ACTR3B: variants seen among roughly 807,000 people sequenced by gnomAD.
ACTR3B encodes actin related protein 3B, also known as actin-related protein 3B.
A neutral mutation model predicts 59.0 loss-of-function variants in ACTR3B; 8 were observed. The observed-to-expected ratio is 0.14, with a 90% CI of 0.08 to 0.24. The LOEUF (loss-of-function observed/expected upper bound fraction) is 0.24. Among genes scored for constraint, ACTR3B ranks in the 10% least tolerant of loss-of-function variants. The pLI, the probability that ACTR3B is intolerant of heterozygous loss-of-function variation, is 1.00. For synonymous variants in ACTR3B, 148 were observed against 197.9 expected (o/e 0.75, Z 2.12); for missense variants, 245 against 552.3 (o/e 0.44, Z 5.58).
In ACTR3B at chr7:152,849,300, A is replaced by G. The variant is rs546307028; in HGVS notation, c.952-2826A>G. Among the ~76,000 whole-genome samples, 7 of 152,208 alleles carry G rather than the reference A, an allele frequency of 4.6e-5. No homozygotes were observed. In the South Asian group the frequency reaches 1.5e-3, roughly 32 times the overall value. Reference sequence around the variant, plus strand: ...GCTCAGGGCTGTTCCCTGTGAGTAGAAGTGTGGGGCCGACACCAAGGAACG... The same window carrying G: ...GCTCAGGGCTGTTCCCTGTGAGTAGGAGTGTGGGGCCGACACCAAGGAACG... On this transcript the variant is annotated intron_variant, in intron 9 of 11. Coordinates refer to ENST00000256001, the MANE Select transcript of ACTR3B (RefSeq NM_020445.6).
At chr7:152,771,862 G>C (rs1236471836) in intron 1 of ACTR3B, among the ~76,000 whole-genome samples, 1 of 151,934 alleles carries the variant, frequency 6.6e-6, no homozygotes, top group Non-Finnish European at 1.5e-5. Flanking sequence ...GATCACCTGG[G>C]GTCAGACCAG....
At chr7:152,829,057 T>A (rs73728859) in intron 9 of ACTR3B, among the ~76,000 whole-genome samples, 20 of 144,776 alleles carry the variant, frequency 1.4e-4, no homozygotes, top group Middle Eastern at 7.1e-3. Flanking sequence ...TATATATATA[T>A]ACACACACAC....
At chr7:152,809,915 CTT>C (rs56227383) in intron 4 of ACTR3B, among the ~76,000 whole-genome samples, 1 of 150,914 alleles carries the variant, frequency 6.6e-6, no homozygotes, top group African/African-American at 2.4e-5. Context: ...TTGAATTAAA[CTT>C]TTTTTTTTGG....
chr7:152,767,482 T>G (rs2098113889), intron 1 of ACTR3B, among the ~76,000 whole-genome samples: 1 of 152,218 alleles, frequency 6.6e-6, no homozygotes, highest in Non-Finnish European at 1.5e-5. Context: ...CGATTGTTGT[T>G]CCTCCAAGTG....
rs1420163783 is a variant in ACTR3B at position 152,759,939 on chromosome 7, C to G, written c.44+13C>G. On this transcript the variant is annotated intron_variant, in intron 1 of 11. Transcript: ENST00000256001. ...ACTGTGGCACCGGGTAAGAGCAGCT[C>G]GGCGCCCACCCCCGCTCCTCCGCGG... The G allele has an allele frequency of 8.7e-6, 12 of 1,371,900 alleles. No individual in the cohort carries two copies. The South Asian group carries it at 1.3e-4, about 14-fold the overall frequency. The allele number at this position is 1,371,900 out of a possible 1,614,324, so 85.0% of individuals were successfully genotyped here.
At chr7:152,780,876 C>T (rs1280870145) in intron 1 of ACTR3B, among the ~76,000 whole-genome samples, 5 of 146,004 alleles carry the variant, frequency 3.4e-5, no homozygotes, top group Admixed American at 7.0e-5. Flanking sequence ...GACAGGATCT[C>T]GCTCTGTCAC....
intron 1 of ACTR3B, among the ~76,000 whole-genome samples, chr7:152,770,935 G>C (rs989661735): frequency 1.3e-5 from 2 of 149,214 alleles, no homozygotes; most frequent in Non-Finnish European, 3.0e-5. Context: ...ACTTTGGAAA[G>C]AGTACTTCAG....
intron 11 of ACTR3B, among the ~76,000 whole-genome samples, chr7:152,853,937 T>A (rs1309824262): frequency 1.3e-5 from 2 of 152,086 alleles, no homozygotes; most frequent in Admixed American, 1.3e-4. Context: ...TTGGCCAGGC[T>A]GGTCTCAAAC....
chr7:152,847,188 G>A (rs1426165820), intron 9 of ACTR3B, among the ~76,000 whole-genome samples: 1 of 151,570 alleles, frequency 6.6e-6, no homozygotes, highest in East Asian at 1.9e-4. Flanking sequence ...GCTGTAGTCT[G>A]TAGTGAGCCC....
Position 152,795,845 on chromosome 7 carries a change from TG to T in ACTR3B, c.101-4685del, listed in dbSNP as rs1354834027. Reference sequence around the variant, plus strand: ...TTCTGAAAGGCAACTTAGTAGCTCTTGTTTTTTTTTTTTTTGGAGGCGGTGT... The same window carrying T: ...TTCTGAAAGGCAACTTAGTAGCTCTTTTTTTTTTTTTTTTGGAGGCGGTGT... On this transcript the variant is annotated intron_variant, in intron 2 of 11. Coordinates refer to ENST00000256001, the MANE Select transcript of ACTR3B (RefSeq NM_020445.6). 1.0e-2 allele frequency among the ~76,000 whole-genome samples: 1,383 copies of T among 138,572 alleles called. 10 individuals are homozygous for T. The highest frequency in any genetic ancestry group is 0.015 in the Non-Finnish European group (975 of 67,086). 90.9% of individuals were successfully genotyped at this position (138,572 alleles called of 152,430 possible). A position where few individuals can be genotyped will look rare whatever the true frequency, so the allele number is the denominator to read the frequency against.
At position 152,808,341 on chromosome 7, in the gene ACTR3B, A is replaced by G. The variant is rs1468845926; in HGVS notation, c.337-6209A>G. 3.3e-5 allele frequency among the ~76,000 whole-genome samples: 5 copies of G among 150,990 alleles called. No homozygotes were observed. In the East Asian group the frequency reaches 5.8e-4, roughly 18 times the overall value. On this transcript the variant is annotated intron_variant, in intron 4 of 11. Coordinates refer to ENST00000256001, the MANE Select transcript of ACTR3B (RefSeq NM_020445.6). ...GCAGCAGGTTAGTTTTACTCAGTTA[A>G]TTTTTTGCCTTTCTCTTTTGGTTAT... is the stretch of plus-strand genomic sequence containing the variant.
In ACTR3B at chr7:152,759,882, C is replaced by T; in HGVS notation, c.-1C>T. The T allele has an allele frequency of 1.5e-6, 2 of 1,352,194 alleles. No individual in the cohort carries two copies. The highest frequency in any genetic ancestry group is 1.7e-5 in the South Asian group (1 of 57,956). The allele number at this position is 1,352,194 out of a possible 1,614,324, so 83.8% of individuals were successfully genotyped here. A position where few individuals can be genotyped will look rare whatever the true frequency, so the allele number is the denominator to read the frequency against. ...GGGGCCGAGCGCCGCGCGTCCCGAGCATGGCAGGCTCCCTGCCTCCCTGCG... is the reference window on the plus strand; with the variant it reads ...GGGGCCGAGCGCCGCGCGTCCCGAGTATGGCAGGCTCCCTGCCTCCCTGCG... On this transcript the variant is annotated 5_prime_UTR_variant, in exon 1 of 12. Transcript: ENST00000256001.
rs1160747394 is a variant in ACTR3B at position 152,759,810 on chromosome 7, A to G, written c.-73A>G. 4 of 1,124,670 alleles carry G rather than the reference A, an allele frequency of 3.6e-6. No homozygotes were observed. Among genetic ancestry groups the G allele is most frequent in the East Asian group, 7.8e-5 (2 of 25,632 alleles). The allele number at this position is 1,124,670 out of a possible 1,614,324, so 69.7% of individuals were successfully genotyped here. A position where few individuals can be genotyped will look rare whatever the true frequency, so the allele number is the denominator to read the frequency against. ...CGCGGGAGACGCTGCGCGCGGGGCTAGCGGGCGGCGGAGCGGACGGCGACG... is the reference window on the plus strand; with the variant it reads ...CGCGGGAGACGCTGCGCGCGGGGCTGGCGGGCGGCGGAGCGGACGGCGACG... On this transcript the variant is annotated 5_prime_UTR_variant, in exon 1 of 12. Coordinates refer to ENST00000256001, the MANE Select transcript of ACTR3B (RefSeq NM_020445.6).
chr7:152,789,997 C>CTT (rs756068314), intron 2 of ACTR3B, among the ~76,000 whole-genome samples: 8,681 of 101,074 alleles, frequency 0.086, 24 homozygotes, highest in East Asian at 0.22. Flanking sequence ...TGTACTCTTT[C>CTT]TTTTTTTTTT....
chr7:152,812,824 A>G (rs1031451103), intron 4 of ACTR3B: 1 of 121,834 alleles, frequency 8.2e-6, no homozygotes, highest in African/African-American at 3.0e-5. Flanking sequence ...GTAGGGGTGT[A>G]TTAGTCTACT....
At chr7:152,818,121 G>T (rs1795853320) in intron 6 of ACTR3B, among the ~76,000 whole-genome samples, 1 of 152,206 alleles carries the variant, frequency 6.6e-6, no homozygotes. Flanking sequence ...GAGAACTCAG[G>T]CTTCCGTTTC....
At chr7:152,775,688 G>A (rs2116563984) in intron 1 of ACTR3B, among the ~76,000 whole-genome samples, 1 of 152,012 alleles carries the variant, frequency 6.6e-6, no homozygotes. Context: ...GAACCCAGGA[G>A]GCGGAGGTTG....
chr7:152,846,859 G>A (rs988581013), intron 9 of ACTR3B, among the ~76,000 whole-genome samples: 1 of 145,266 alleles, frequency 6.9e-6, no homozygotes, highest in African/African-American at 2.6e-5. Flanking sequence ...GTGAGCTCTA[G>A]TGCCTGGGCT....
At chr7:152,778,518 T>A in intron 1 of ACTR3B, among the ~76,000 whole-genome samples, 1 of 152,116 alleles carries the variant, frequency 6.6e-6, no homozygotes, top group East Asian at 1.9e-4. Flanking sequence ...ATTACAGGTG[T>A]GAGCCACTGT....
Sources: gnomAD v4.1 joint callset for allele counts (sites outside exome capture counted in the v4.1 genomes callset) on GRCh38, gnomAD v4.1.1 for gene constraint, MANE v1.5 for transcripts, NCBI Gene and HGNC (gene_info 2026-07-23, HGNC 2026-07-21) for gene names.